Variants in TAS2R1 observed in about 807,000 individuals in gnomAD.
The protein encoded by TAS2R1 is taste receptor type 2 member 1.
For missense variants in TAS2R1, 370 were observed against 353.4 expected, an observed-to-expected ratio of 1.05 and a Z score of -0.38; for synonymous variants, 141 against 134.2, an observed-to-expected ratio of 1.05 and a Z score of -0.35.
At chr5:9,835,977 C>A in the TAS2R1 span, among the ~76,000 whole-genome samples, 1 of 152,080 alleles carries the variant, frequency 6.6e-6, no homozygotes. Flanking sequence ...TGGCTGCGTC[C>A]CCACCCAAAT....
Position 9,636,406 on chromosome 5 carries a change from T to A in TAS2R1, c.-80-6414A>T, listed in dbSNP as rs116698180. Among the ~76,000 whole-genome samples the A allele has an allele frequency of 7.1e-3, 1,081 of 152,264 alleles. 19 individuals are homozygous for A. Among genetic ancestry groups the A allele is most frequent in the African/African-American group, 0.025 (1,042 of 41,572 alleles). On this transcript the variant is annotated intron_variant, in intron 2 of 2. Transcript: ENST00000506620. ...TCCATGTACTGAAGAAAATAATGCA[T>A]ATTCTGCTGTTGTTTGGTAGAATGT... is the stretch of plus-strand genomic sequence containing the variant.
chr5:9,693,439 G>C (rs976679924), intron 1 of TAS2R1, among the ~76,000 whole-genome samples: 3 of 144,768 alleles, frequency 2.1e-5, no homozygotes, highest in African/African-American at 7.8e-5. Context: ...GAGGAGAATC[G>C]CTTGAACCTG....
intron 2 of TAS2R1, among the ~76,000 whole-genome samples, chr5:9,654,127 A>G (rs1740361613): frequency 6.6e-6 from 1 of 152,210 alleles, no homozygotes; most frequent in Admixed American, 6.5e-5. Flanking sequence ...GAAGTAGAGA[A>G]CTTTTAAAAT....
At chr5:9,715,942 C>A (rs530592762), upstream of TAS2R1, among the ~76,000 whole-genome samples, 67 of 152,322 alleles carry the variant, frequency 4.4e-4, no homozygotes, top group African/African-American at 1.5e-3. Flanking sequence ...CCACAAAAAA[C>A]CAGCTACATA....
In TAS2R1 at chr5:9,629,787, A is replaced by T; in HGVS notation, c.126T>A (p.Cys42Ter). The change falls in exon 3 of 3, where the codon TGT becomes TGA. Residue 42 changes from cysteine to a stop codon, truncating the protein, a stop_gained. Coordinates refer to the TAS2R1 transcript ENST00000506620. LOFTEE classifies it low-confidence loss of function (END_TRUNC). ...ATTCATTTATAAATAAGAGAATTGC[A>T]CAATTCGCAGAACACATGATGAATT... 1.2e-6 allele frequency: 2 copies of T among 1,613,974 alleles called. No homozygotes were observed. Among genetic ancestry groups the T allele is most frequent in the Non-Finnish European group, 1.7e-6 (2 of 1,179,936 alleles).
At chr5:9,695,624 C>A (rs1027401375) in intron 1 of TAS2R1, among the ~76,000 whole-genome samples, 1 of 151,952 alleles carries the variant, frequency 6.6e-6, no homozygotes, top group Non-Finnish European at 1.5e-5. Flanking sequence ...GTCCAGAGAC[C>A]CAAACTTGGA....
chr5:9,868,150 G>A, the TAS2R1 span, among the ~76,000 whole-genome samples: 4 of 152,170 alleles, frequency 2.6e-5, no homozygotes, highest in South Asian at 2.1e-4. Flanking sequence ...TACCATTCTG[G>A]GGTTTGGAAG....
intron 1 of TAS2R1, among the ~76,000 whole-genome samples, chr5:9,690,824 G>A (rs892858267): frequency 3.9e-5 from 6 of 151,982 alleles, no homozygotes; most frequent in African/African-American, 9.7e-5. Flanking sequence ...CCTGAGCAAG[G>A]CATCCTTTAC....
chr5:9,656,759 A>C (rs1162009979), intron 2 of TAS2R1, among the ~76,000 whole-genome samples: 1 of 152,196 alleles, frequency 6.6e-6, no homozygotes, highest in Admixed American at 6.5e-5. Flanking sequence ...ACCACTGCAG[A>C]AGGTAATTTG....
the TAS2R1 span, among the ~76,000 whole-genome samples, chr5:9,881,723 T>C: frequency 2.0e-5 from 3 of 152,208 alleles, no homozygotes; most frequent in Admixed American, 2.0e-4. Context: ...AATCACCTTA[T>C]CTTCAACAAA....
chr5:9,629,440 A>G lies in TAS2R1; in HGVS notation c.593T>C (p.Ile198Thr). Residue 198 changes from isoleucine (I) to threonine (T), a missense_variant, in exon 1 of 1, where the codon ATT (isoleucine) becomes ACT (threonine). Coordinates refer to ENST00000382492, the MANE Select transcript of TAS2R1 (RefSeq NM_019599.3). ...CCGGGTGTGCCTCCCCAGAGAGAAAATCAAGAGCAAAACAGCAAAAAGGAA... is the reference window on the plus strand; with the variant it reads ...CCGGGTGTGCCTCCCCAGAGAGAAAGTCAAGAGCAAAACAGCAAAAAGGAA... ...LIFLFAVLLL[I>T]FSLGRHTRQM... 6.2e-7 allele frequency: 1 copy of G among 1,614,122 alleles called. No individual in the cohort carries two copies. The highest frequency in any genetic ancestry group is 8.5e-7 in the Non-Finnish European group (1 of 1,180,008).
the TAS2R1 span, among the ~76,000 whole-genome samples, chr5:9,769,813 A>G: frequency 6.6e-6 from 1 of 152,116 alleles, no homozygotes; most frequent in Non-Finnish European, 1.5e-5. Flanking sequence ...TCTGGTTACT[A>G]ATCCCTTGTC....
chr5:9,720,944 G>A, the TAS2R1 span, among the ~76,000 whole-genome samples: 1 of 152,200 alleles, frequency 6.6e-6, no homozygotes, highest in African/African-American at 2.4e-5. Flanking sequence ...CTCAGCTGCT[G>A]CAATGCTGGA....
chr5:9,818,918 G>T, the TAS2R1 span, among the ~76,000 whole-genome samples: 56 of 152,224 alleles, frequency 3.7e-4, 2 homozygotes, highest in East Asian at 0.01. Context: ...ACATTCAAGG[G>T]CTCTCAGCTC....
chr5:9,678,949 GA>G (rs1579780370), intron 1 of TAS2R1, among the ~76,000 whole-genome samples: 1 of 152,008 alleles, frequency 6.6e-6, no homozygotes, highest in Admixed American at 6.6e-5. Flanking sequence ...AAAGTTGATG[GA>G]AAAAAATGGT....
At chr5:9,635,007 C>T (rs1346116220), upstream of TAS2R1, among the ~76,000 whole-genome samples, 1 of 152,128 alleles carries the variant, frequency 6.6e-6, no homozygotes, top group East Asian at 1.9e-4. Context: ...TGAAAGTGGA[C>T]ATCCTTGTCT....
the TAS2R1 span, among the ~76,000 whole-genome samples, chr5:9,895,608 C>T: frequency 6.6e-6 from 1 of 152,252 alleles, no homozygotes; most frequent in African/African-American, 2.4e-5. Context: ...TGCCTAAACT[C>T]TAGAAGCGGA....
At chr5:9,701,179 T>C (rs1254496295) in intron 1 of TAS2R1, among the ~76,000 whole-genome samples, 1 of 150,034 alleles carries the variant, frequency 6.7e-6, no homozygotes. Flanking sequence ...GGATTCAAGC[T>C]GAACAAGATT....
the TAS2R1 span, among the ~76,000 whole-genome samples, chr5:9,760,337 CT>C: frequency 6.6e-6 from 1 of 152,202 alleles, no homozygotes; most frequent in Non-Finnish European, 1.5e-5. Context: ...CATTTCCCAA[CT>C]TAATATGAGG....
Sources: allele counts gnomAD v4.1 joint callset (sites outside exome capture counted in the v4.1 genomes callset), GRCh38; gene constraint gnomAD v4.1.1; transcripts MANE v1.5; gene names NCBI Gene and HGNC (gene_info 2026-07-23, HGNC 2026-07-21).